The following FCMR variants were observed in gnomAD, a reference collection of about 807,000 sequenced individuals.
FCMR encodes immunoglobulin mu Fc receptor.
In FCMR, 34 loss-of-function variants were observed where a neutral mutation model predicts 41.6. The ratio of observed to expected loss-of-function variants is 0.82; its 90% CI spans 0.62 to 1.09. The LOEUF (loss-of-function observed/expected upper bound fraction) is 1.09, where lower values mean the gene tolerates loss of function less well. Among genes scored for constraint, FCMR ranks in the 50% least tolerant of loss-of-function variants. FCMR has a pLI of 0.00. For missense variants in FCMR, 496 were observed against 512.5 expected, an observed-to-expected ratio of 0.97 and a Z score of 0.31; for synonymous variants, 209 against 211.8, an observed-to-expected ratio of 0.99 and a Z score of 0.12.
Position 206,921,677 on chromosome 1 carries a change from C to T in FCMR, c.37+141G>A, listed in dbSNP as rs1679445968. ...AGGCATCCAACACCTCACATGGCCT[C>T]CATTCTTGTCCTGCCCTAGGTGTTG... On this transcript the variant is annotated intron_variant, in intron 1 of 7. Coordinates refer to ENST00000367091, the MANE Select transcript of FCMR (RefSeq NM_005449.5). The T allele has an allele frequency of 3.6e-5, 27 of 756,480 alleles. 1 individual carries two copies. The South Asian group carries it at 4.2e-4, about 12-fold the overall frequency. 46.9% of individuals were successfully genotyped at this position (756,480 alleles called of 1,614,324 possible).
At position 206,909,628 on chromosome 1, in the gene FCMR, G is replaced by A. The variant is rs1678830231; in HGVS notation, c.985+97C>T. On this transcript the variant is annotated intron_variant, in intron 6 of 7. Coordinates refer to ENST00000367091, the MANE Select transcript of FCMR (RefSeq NM_005449.5). This position sits in a 1 kb window ranked among gnomAD's most constrained non-coding sequence, Gnocchi z 5.0. ...CCCCACTCCCAGCTCCACCCTGTGGGAAGCCCTGGCACCTGGGAGCGCGCC... is the reference window on the plus strand; with the variant it reads ...CCCCACTCCCAGCTCCACCCTGTGGAAAGCCCTGGCACCTGGGAGCGCGCC... 1 of 1,316,934 alleles carries A rather than the reference G, an allele frequency of 7.6e-7. No homozygotes were observed. Among genetic ancestry groups the A allele is most frequent in the East Asian group, 3.1e-5 (1 of 31,900 alleles). The allele number at this position is 1,316,934 out of a possible 1,614,324, so 81.6% of individuals were successfully genotyped here. A position where few individuals can be genotyped will look rare whatever the true frequency, so the allele number is the denominator to read the frequency against.
chr1:206,909,591 G>T lies in FCMR; in HGVS notation c.986-71C>A. The T allele has an allele frequency of 7.8e-7, 1 of 1,274,508 alleles. No individual in the cohort carries two copies. Among genetic ancestry groups the T allele is most frequent in the Non-Finnish European group, 1.0e-6 (1 of 992,302 alleles). The allele number at this position is 1,274,508 out of a possible 1,614,324, so 78.9% of individuals were successfully genotyped here. A position where few individuals can be genotyped will look rare whatever the true frequency, so the allele number is the denominator to read the frequency against. On this transcript the variant is annotated intron_variant, in intron 6 of 7. Transcript: ENST00000367091. The surrounding 1 kb of genome is among the most constrained non-coding windows in gnomAD (Gnocchi z 5.0). Reference sequence around the variant, plus strand: ...CCCCACCGTCATGCTACTACTCCCAGCTCCACCCCCGCCCCACTCCCAGCT... The same window carrying T: ...CCCCACCGTCATGCTACTACTCCCATCTCCACCCCCGCCCCACTCCCAGCT...
In FCMR at chr1:206,913,025, C is replaced by G; in HGVS notation, c.391G>C (p.Glu131Gln). The change falls in exon 3 of 8, where the codon GAA becomes CAA. Residue 131 changes from glutamate (E) to glutamine (Q), a missense_variant. Glu to Gln is a conservative substitution (Grantham distance 29, BLOSUM62 2). Transcript: ENST00000367091. Reference protein sequence around the residue: ...NVHSEYEPSWEEQPMPETPKW... With the variant: ...NVHSEYEPSWQEQPMPETPKW... ...GGAGTCTCAGGCATTGGCTGCTCTT[C>G]CCATGATGGCTCGTATTCTATTGGA... The G allele has an allele frequency of 6.2e-7, 1 of 1,612,540 alleles. No homozygotes were observed. Among genetic ancestry groups the G allele is most frequent in the African/African-American group, 1.3e-5 (1 of 75,020 alleles).
Position 206,904,644 on chromosome 1 carries a change from G to C in FCMR, c.*375C>G, listed in dbSNP as rs1678540566. 1 of 241,782 alleles carries C rather than the reference G, an allele frequency of 4.1e-6. No individual in the cohort carries two copies. The highest frequency in any genetic ancestry group is 8.3e-6 in the Non-Finnish European group (1 of 120,862). The allele number at this position is 241,782 out of a possible 1,614,324, so 15.0% of individuals were successfully genotyped here. ...GAAGGATGCCCGAGACAATAGCTAT[G>C]CCTCTGCCCCAGCCTGATGCCATGT... On this transcript the variant is annotated 3_prime_UTR_variant, in exon 8 of 8. Coordinates refer to ENST00000367091, the MANE Select transcript of FCMR (RefSeq NM_005449.5).
intron 7 of FCMR, chr1:206,906,327 G>T: frequency 4.6e-6 from 1 of 217,938 alleles, no homozygotes; most frequent in South Asian, 8.5e-5. Context: ...GGCCAAAGAA[G>T]AGACTGAGGA....
chr1:206,919,677 T>A (rs1257542355), intron 1 of FCMR, among the ~76,000 whole-genome samples: 20 of 152,176 alleles, frequency 1.3e-4, no homozygotes, highest in African/African-American at 4.8e-4. Context: ...GGCATGGGCA[T>A]GACTGGAGAA....
In FCMR at chr1:206,914,203, C is replaced by G. The variant is rs902986365; in HGVS notation, c.38-109G>C. ...CTCCAACCCTAGCCCAGGCCCCAGC[C>G]CAACCTCACATTCATCCCCAGATCC... On this transcript the variant is annotated intron_variant, in intron 1 of 7. Transcript: ENST00000367091. 2.8e-5 allele frequency: 22 copies of G among 779,414 alleles called. No homozygotes were observed. In the African/African-American group the frequency reaches 3.6e-4, roughly 13 times the overall value. The allele number at this position is 779,414 out of a possible 1,614,324, so 48.3% of individuals were successfully genotyped here. A position where few individuals can be genotyped will look rare whatever the true frequency, so the allele number is the denominator to read the frequency against.
chr1:206,916,075 G>T (rs926820343), intron 1 of FCMR, among the ~76,000 whole-genome samples: 13 of 152,176 alleles, frequency 8.5e-5, no homozygotes, highest in African/African-American at 2.4e-4. Flanking sequence ...AAACATGGTA[G>T]GGACAGGCAG....
chr1:206,906,268 A>G, intron 7 of FCMR: 1 of 366,408 alleles, frequency 2.7e-6, no homozygotes, highest in South Asian at 2.7e-5. Flanking sequence ...GATCAAGATA[A>G]AATTTCCAGG....
At chr1:206,910,792 T>G (rs969265259) in intron 4 of FCMR, among the ~76,000 whole-genome samples, 1 of 152,154 alleles carries the variant, frequency 6.6e-6, no homozygotes, top group East Asian at 1.9e-4. Context: ...TGCCTAGAAG[T>G]TTTCCCCTCA....
At chr1:206,919,668 G>T (rs1178142917) in intron 1 of FCMR, among the ~76,000 whole-genome samples, 1 of 152,164 alleles carries the variant, frequency 6.6e-6, no homozygotes, top group Non-Finnish European at 1.5e-5. Flanking sequence ...CACCCTGTGG[G>T]CATGGGCATG....
Position 206,909,713 on chromosome 1 carries a change from C to G in FCMR, c.985+12G>C. On this transcript the variant is annotated intron_variant, in intron 6 of 7. Coordinates refer to ENST00000367091, the MANE Select transcript of FCMR (RefSeq NM_005449.5). The surrounding 1 kb of genome is among the most constrained non-coding windows in gnomAD (Gnocchi z 5.0). The stretch of plus-strand genomic sequence containing the variant: ...CTTTCCGCTACTCCCCGTGGCCCGC[C>G]CGGCGGCTCACCTGCAGCGTCCGCT... 7.0e-7 allele frequency: 1 copy of G among 1,421,308 alleles called. No homozygotes were observed. The highest frequency in any genetic ancestry group is 9.1e-7 in the Non-Finnish European group (1 of 1,099,658). The allele number at this position is 1,421,308 out of a possible 1,614,324, so 88.0% of individuals were successfully genotyped here.
At chr1:206,918,439 A>G (rs973213662) in intron 1 of FCMR, among the ~76,000 whole-genome samples, 2 of 152,140 alleles carry the variant, frequency 1.3e-5, no homozygotes, top group Non-Finnish European at 2.9e-5. Context: ...TGTGATCTCC[A>G]GTCTTCCTCT....
chr1:206,918,650 AGTGT>A (rs10652847), intron 1 of FCMR, among the ~76,000 whole-genome samples: 2,135 of 145,922 alleles, frequency 0.015, 45 homozygotes, highest in African/African-American at 0.042. Flanking sequence ...ATAAATTTTA[AGTGT>A]GTGTGTGTGT....
chr1:206,909,850 C>A lies in FCMR; in HGVS notation c.860G>T (p.Arg287Leu). The A allele has an allele frequency of 7.2e-7, 1 of 1,383,464 alleles. No individual in the cohort carries two copies. The allele number at this position is 1,383,464 out of a possible 1,614,324, so 85.7% of individuals were successfully genotyped here. A position where few individuals can be genotyped will look rare whatever the true frequency, so the allele number is the denominator to read the frequency against. Residue 287 changes from arginine (R) to leucine (L), a missense_variant, in exon 6 of 8, where the codon CGC becomes CTC. Physicochemically the swap from Arg to Leu is moderately radical, Grantham distance 102. Transcript: ENST00000367091. This position sits in a 1 kb window ranked among gnomAD's most constrained non-coding sequence, Gnocchi z 5.0. The stretch of plus-strand genomic sequence containing the variant: ...GGCGCGCATCCTCACGGCCAGTCGG[C>A]GGGCCCGCCTGGAGAGGGCTTCCCC... ...ERRKALSRRA[R>L]RLAVRMRALE...
Position 206,921,897 on chromosome 1 carries a change from AG to A in FCMR, c.-44del. 1 of 1,576,712 alleles carries A rather than the reference AG, an allele frequency of 6.3e-7. No homozygotes were observed. Among genetic ancestry groups the A allele is most frequent in the Non-Finnish European group, 8.7e-7 (1 of 1,146,518 alleles). ...AAGGTCCATCCAAGAGCCCCTAGAG[AG>A]GGGGATGGAGACACGCTGCTTACTC... On this transcript the variant is annotated 5_prime_UTR_variant, in exon 1 of 8. Transcript: ENST00000367091.
chr1:206,914,310 T>TTTCCTTCCTTCCTTCCTTCC (rs139221448), intron 1 of FCMR, among the ~76,000 whole-genome samples: 111 of 145,674 alleles, frequency 7.6e-4, no homozygotes, highest in Non-Finnish European at 9.6e-4. Flanking sequence ...TTTTCTTTTC[T>TTTCCTTCCTTCCTTCCTTCC]TTCCTTCCTT....
chr1:206,917,758 C>G (rs899356405), intron 1 of FCMR: 11 of 450,608 alleles, frequency 2.4e-5, no homozygotes, highest in African/African-American at 2.2e-4. Context: ...TCCTGAATAG[C>G]TGAGATCACA....
chr1:206,905,443 C>A (rs1015511657), intron 7 of FCMR, among the ~76,000 whole-genome samples: 2 of 152,166 alleles, frequency 1.3e-5, no homozygotes, highest in Non-Finnish European at 2.9e-5. Context: ...AGAGGAGTAT[C>A]CCCTCGGGGA....
Sources: gnomAD v4.1 joint callset for allele counts (sites outside exome capture counted in the v4.1 genomes callset) on GRCh38, gnomAD v4.1.1 for gene constraint, Gnocchi (gnomAD v3.1) non-coding constraint, MANE v1.5 for transcripts, NCBI Gene and HGNC (gene_info 2026-07-23, HGNC 2026-07-21) for gene names.